MOSMO: variants seen among roughly 807,000 people sequenced by gnomAD.
MOSMO encodes the protein modulator of smoothened protein.
MOSMO carries 5 observed loss-of-function variants against 18.4 expected under a neutral mutation model. The observed-to-expected ratio is 0.27, with a 90% CI of 0.14 to 0.57. MOSMO has a LOEUF of 0.57. Among genes scored for constraint, MOSMO ranks in the 20% least tolerant of loss-of-function variants. The pLI, the probability that MOSMO is intolerant of heterozygous loss-of-function variation, is 0.92. For missense variants in MOSMO, 138 were observed against 211.8 expected (o/e 0.65, Z 2.16); for synonymous variants, 82 against 82.3 (o/e 1.00, Z 0.02).
intron 1 of MOSMO, among the ~76,000 whole-genome samples, chr16:22,026,578 T>C (rs1899881294): frequency 6.6e-6 from 1 of 152,308 alleles, no homozygotes; most frequent in African/African-American, 2.4e-5. Context: ...TTATAGTGAT[T>C]TGGTGGTGAG....
intron 1 of MOSMO, among the ~76,000 whole-genome samples, chr16:22,027,578 T>C (rs766811806): frequency 2.6e-5 from 4 of 152,236 alleles, no homozygotes; most frequent in Non-Finnish European, 5.9e-5. Context: ...GCAGCTATTA[T>C]TATTTATCCT....
chr16:22,073,967 G>A (rs970466483), intron 1 of MOSMO, among the ~76,000 whole-genome samples: 1 of 152,094 alleles, frequency 6.6e-6, no homozygotes, highest in African/African-American at 2.4e-5. Flanking sequence ...TTAGCATTTG[G>A]GGGAGGACTC....
At chr16:22,014,365 A>G (rs186551519) in intron 1 of MOSMO, among the ~76,000 whole-genome samples, 45 of 152,306 alleles carry the variant, frequency 3.0e-4, no homozygotes, top group Non-Finnish European at 3.7e-4. Context: ...AAAACCCACT[A>G]TATGTCTAGC....
intron 1 of MOSMO, among the ~76,000 whole-genome samples, chr16:22,031,028 ATAG>A (rs1899983497): frequency 3.3e-5 from 5 of 152,244 alleles, no homozygotes; most frequent in Admixed American, 2.0e-4. Context: ...GAGTGCTAAA[ATAG>A]TAGTTAAGTG....
At chr16:22,091,447 G>A (rs1009781823), downstream of MOSMO, among the ~76,000 whole-genome samples, 2 of 152,094 alleles carry the variant, frequency 1.3e-5, no homozygotes, top group Non-Finnish European at 2.9e-5. Flanking sequence ...GCAGTGGTGC[G>A]ATCATAGCTC....
At chr16:22,021,061 G>C (rs977795777) in intron 1 of MOSMO, among the ~76,000 whole-genome samples, 4 of 152,168 alleles carry the variant, frequency 2.6e-5, no homozygotes, top group Non-Finnish European at 5.9e-5. Flanking sequence ...TGCTGTGGTG[G>C]GGGTGGGTAG....
rs190500963 is a variant in MOSMO at position 22,084,139 on chromosome 16, G to A, written c.*3259G>A. 6.2e-6 allele frequency: 1 copy of A among 160,890 alleles called. No individual in the cohort carries two copies. Among genetic ancestry groups the A allele is most frequent in the Non-Finnish European group, 1.4e-5 (1 of 73,940 alleles). The allele number at this position is 160,890 out of a possible 1,614,324, so 10.0% of individuals were successfully genotyped here. A position where few individuals can be genotyped will look rare whatever the true frequency, so the allele number is the denominator to read the frequency against. On this transcript the variant is annotated 3_prime_UTR_variant, in exon 3 of 3. Coordinates refer to ENST00000542527, the MANE Select transcript of MOSMO (RefSeq NM_001164579.2). ...AAACAATCTGTTGATTTAGAGGAAA[G>A]GCCCTGAAAAATACAGTATTGGAAA...
intron 1 of MOSMO, among the ~76,000 whole-genome samples, chr16:22,046,067 C>T (rs530327174): frequency 3.2e-4 from 47 of 145,298 alleles, no homozygotes; most frequent in South Asian, 1.6e-3. Flanking sequence ...GTGCTGTTCC[C>T]CTTCCTGTGT....
chr16:22,048,785 C>G (rs766187689), intron 1 of MOSMO, among the ~76,000 whole-genome samples: 3 of 151,826 alleles, frequency 2.0e-5, no homozygotes, highest in Admixed American at 6.6e-5. Context: ...TCAGGGTTTT[C>G]TTTCTTACAT....
chr16:22,091,585 C>T (rs1352795553), downstream of MOSMO, among the ~76,000 whole-genome samples: 1 of 152,092 alleles, frequency 6.6e-6, no homozygotes, highest in East Asian at 1.9e-4. Context: ...GAGACAGAGT[C>T]TCACTGTGTT....
intron 1 of MOSMO, among the ~76,000 whole-genome samples, chr16:22,020,033 G>A (rs1239800602): frequency 3.3e-5 from 5 of 151,644 alleles, no homozygotes; most frequent in Non-Finnish European, 7.4e-5. Context: ...GACCAACATA[G>A]AGAAACCCCA....
At chr16:22,030,332 A>G (rs1187749299) in intron 1 of MOSMO, among the ~76,000 whole-genome samples, 1 of 152,206 alleles carries the variant, frequency 6.6e-6, no homozygotes, top group African/African-American at 2.4e-5. Flanking sequence ...TTTGAAAATC[A>G]AAACCGTATT....
At chr16:22,035,151 A>G (rs1228910770) in intron 1 of MOSMO, among the ~76,000 whole-genome samples, 2 of 152,146 alleles carry the variant, frequency 1.3e-5, no homozygotes, top group Non-Finnish European at 2.9e-5. Flanking sequence ...GAAGAGTTCT[A>G]TAATCCTATG....
At chr16:22,051,555 CCAA>C (rs1338492460) in intron 1 of MOSMO, among the ~76,000 whole-genome samples, 1 of 152,130 alleles carries the variant, frequency 6.6e-6, no homozygotes, top group Non-Finnish European at 1.5e-5. Context: ...AAGGGAAGTA[CCAA>C]CAACAGCTCC....
At position 22,068,414 on chromosome 16, in the gene MOSMO, G is replaced by A. The variant is rs558456009; in HGVS notation, c.107-7073G>A. 3.3e-5 allele frequency among the ~76,000 whole-genome samples: 5 copies of A among 152,302 alleles called. No homozygotes were observed. In the South Asian group the frequency reaches 8.3e-4, roughly 25 times the overall value. On this transcript the variant is annotated intron_variant, in intron 1 of 2. Coordinates refer to ENST00000542527, the MANE Select transcript of MOSMO (RefSeq NM_001164579.2). ...CCTAAAAAATAAAATGTACAACATAGTGGTTTTTCATACATTCACATATAT... is the reference window on the plus strand; with the variant it reads ...CCTAAAAAATAAAATGTACAACATAATGGTTTTTCATACATTCACATATAT...
rs1899433866 is a variant in MOSMO, at chr16:22,008,332, CTCTT to C, written c.35_38del (p.Phe12TrpfsTer67). 1 of 1,533,362 alleles carries C rather than the reference CTCTT, an allele frequency of 6.5e-7. No individual in the cohort carries two copies. Among genetic ancestry groups the C allele is most frequent in the Admixed American group, 2.0e-5 (1 of 50,912 alleles). 95.0% of individuals were successfully genotyped at this position (1,533,362 alleles called of 1,614,324 possible). A position where few individuals can be genotyped will look rare whatever the true frequency, so the allele number is the denominator to read the frequency against. ...TAAACTGACCATCATCTCAGGATGT[CTCTT>C]TCTGGCCGCCGATATCTTCGCCATC... On this transcript the variant is annotated frameshift_variant, in exon 1 of 3. Coordinates refer to ENST00000542527, the MANE Select transcript of MOSMO (RefSeq NM_001164579.2). LOFTEE classifies it high-confidence loss of function.
intron 1 of MOSMO, among the ~76,000 whole-genome samples, chr16:22,018,921 G>A (rs1384328322): frequency 1.3e-5 from 2 of 152,156 alleles, no homozygotes; most frequent in Non-Finnish European, 2.9e-5. Context: ...TCTCTGTATT[G>A]CAACTTACTT....
chr16:22,020,159 G>C (rs1354681263), intron 1 of MOSMO, among the ~76,000 whole-genome samples: 3 of 148,890 alleles, frequency 2.0e-5, no homozygotes, highest in Admixed American at 6.7e-5. Flanking sequence ...GTTGCAGTGA[G>C]CCAAGATCGT....
chr16:22,057,244 G>A (rs2141754632), intron 1 of MOSMO, among the ~76,000 whole-genome samples: 1 of 152,340 alleles, frequency 6.6e-6, no homozygotes, highest in East Asian at 1.9e-4. Context: ...GGAAGTCCAA[G>A]ATCAAAGTGC....
Sources: allele counts gnomAD v4.1 joint callset (sites outside exome capture counted in the v4.1 genomes callset), GRCh38; gene constraint gnomAD v4.1.1; transcripts MANE v1.5; gene names NCBI Gene and HGNC (gene_info 2026-07-23, HGNC 2026-07-21).